AGAP1: variants seen among roughly 807,000 people sequenced by gnomAD.
The protein encoded by AGAP1 is arf-GAP with GTPase, ANK repeat and PH domain-containing protein 1.
AGAP1 carries 29 observed loss-of-function variants against 105.3 expected under a neutral mutation model. The ratio of observed to expected loss-of-function variants is 0.28; its 90% confidence interval spans 0.21 to 0.38. The LOEUF (loss-of-function observed/expected upper bound fraction) is 0.38, where lower values mean the gene tolerates loss of function less well. Among genes scored for constraint, AGAP1 ranks in the 10% least tolerant of loss-of-function variants. The pLI is 1.00. For missense variants in AGAP1, 998 were observed against 1,165.1 expected (o/e 0.86, Z 2.09); for synonymous variants, 509 against 485.9 (o/e 1.05, Z -0.63).
At chr2:236,099,972 A>G (rs909666920) in intron 16 of AGAP1, among the ~76,000 whole-genome samples, 4 of 151,964 alleles carry the variant, frequency 2.6e-5, no homozygotes, top group Non-Finnish European at 4.4e-5. Context: ...CCCGGGAGGC[A>G]GAGGTTCCAG....
At position 235,609,599 on chromosome 2, in the gene AGAP1, C is replaced by T. The variant is rs529896994; in HGVS notation, c.164-99580C>T. 2.0e-5 allele frequency among the ~76,000 whole-genome samples: 3 copies of T among 152,202 alleles called. No individual in the cohort carries two copies. The highest frequency in any genetic ancestry group is 2.1e-4 in the South Asian group (1 of 4,822). ...CACTTTGACCCCGGACCTGCATGCG[C>T]GCTGAGGATGGCAGAGGGGCTCCTG... On this transcript the variant is annotated intron_variant, in intron 1 of 17. Coordinates refer to ENST00000304032, the MANE Select transcript of AGAP1 (RefSeq NM_001037131.3). This position sits in a 1 kb window ranked among gnomAD's most constrained non-coding sequence, Gnocchi z 5.1.
rs1249053184 is a variant in AGAP1 at position 235,777,282 on chromosome 2, G to A, written c.674-20477G>A. ...GGAGAATCACTTGAGCCTGGGAGGC[G>A]GAGGTTGCAGTGAGCCGAGATTGCG... On this transcript the variant is annotated intron_variant, in intron 6 of 17. Coordinates refer to ENST00000304032, the MANE Select transcript of AGAP1 (RefSeq NM_001037131.3). This position sits in a 1 kb window ranked among gnomAD's most constrained non-coding sequence, Gnocchi z 5.1. Among the ~76,000 whole-genome samples the A allele has an allele frequency of 1.3e-5, 2 of 152,184 alleles. No homozygotes were observed. Among genetic ancestry groups the A allele is most frequent in the Non-Finnish European group, 2.9e-5 (2 of 68,032 alleles).
chr2:236,092,363 A>T lies in AGAP1; in HGVS notation c.2115-27829A>T, dbSNP rs1036242549. On this transcript the variant is annotated intron_variant, in intron 16 of 17. Transcript: ENST00000304032. The surrounding 1 kb of genome is among the most constrained non-coding windows in gnomAD (Gnocchi z 4.7). ...GGAAACCAGGTAAGGGGTACATGAG[A>T]TCTCTCTGTATTATTTCTTTTTCTT... Among the ~76,000 whole-genome samples, 2 of 151,932 alleles carry T rather than the reference A, an allele frequency of 1.3e-5. No individual in the cohort carries two copies. The highest frequency in any genetic ancestry group is 1.3e-4 in the Admixed American group (2 of 15,226).
At position 236,082,628 on chromosome 2, in the gene AGAP1, CTT is replaced by C. The variant is rs1237707906; in HGVS notation, c.2114+33349_2114+33350del. 6.6e-6 allele frequency among the ~76,000 whole-genome samples: 1 copy of C among 152,230 alleles called. No homozygotes were observed. The highest frequency in any genetic ancestry group is 2.4e-5 in the African/African-American group (1 of 41,454). ...ACGGCTCACGCCTGTAATCCCAACA[CTT>C]TGGGAGGCCAAGACGGGTGGATCAC... On this transcript the variant is annotated intron_variant, in intron 16 of 17. Coordinates refer to ENST00000304032, the MANE Select transcript of AGAP1 (RefSeq NM_001037131.3). This position sits in a 1 kb window ranked among gnomAD's most constrained non-coding sequence, Gnocchi z 4.2.
chr2:235,831,418 G>A (rs890365633), intron 9 of AGAP1, among the ~76,000 whole-genome samples: 1 of 152,154 alleles, frequency 6.6e-6, no homozygotes, highest in Non-Finnish European at 1.5e-5. Context: ...CACCACTGCG[G>A]TGTATAGGAT....
rs1040025865 is a variant in AGAP1 at position 236,073,146 on chromosome 2, C to A, written c.2114+23865C>A. ...GAGTAGCTGGGATTACAGGCGCACG[C>A]CACCACGCCTGGCTAATTTTTGTAT... On this transcript the variant is annotated intron_variant, in intron 16 of 17. Transcript: ENST00000304032. The surrounding 1 kb of genome is among the most constrained non-coding windows in gnomAD (Gnocchi z 5.4). Among the ~76,000 whole-genome samples, 1 of 152,136 alleles carries A rather than the reference C, an allele frequency of 6.6e-6. No homozygotes were observed.
chr2:235,577,325 G>A lies in AGAP1; in HGVS notation c.163+82476G>A, dbSNP rs763061744. Among the ~76,000 whole-genome samples the A allele has an allele frequency of 6.6e-6, 1 of 152,112 alleles. No homozygotes were observed. On this transcript the variant is annotated intron_variant, in intron 1 of 17. Coordinates refer to ENST00000304032, the MANE Select transcript of AGAP1 (RefSeq NM_001037131.3). The surrounding 1 kb of genome is among the most constrained non-coding windows in gnomAD (Gnocchi z 4.5). ...TGGTGCTGTGTAATGTTCATTCATC[G>A]CACATTTCAATTCGGCCACATTTTA...
At chr2:236,070,266 G>A (rs1278851407) in intron 16 of AGAP1, among the ~76,000 whole-genome samples, 1 of 152,190 alleles carries the variant, frequency 6.6e-6, no homozygotes, top group Non-Finnish European at 1.5e-5. Flanking sequence ...GTGGTTAGGG[G>A]CAGCGTCCGG....
intron 1 of AGAP1, among the ~76,000 whole-genome samples, chr2:235,706,542 C>T (rs544758756): frequency 6.6e-6 from 1 of 152,280 alleles, no homozygotes; most frequent in South Asian, 2.1e-4. Context: ...TTTTGCACCC[C>T]TCACCCCCGA....
In AGAP1 at chr2:235,874,160, C is replaced by G. The variant is rs191815534; in HGVS notation, c.1051-9185C>G. Among the ~76,000 whole-genome samples, 30 of 152,166 alleles carry G rather than the reference C, an allele frequency of 2.0e-4. No individual in the cohort carries two copies. Among genetic ancestry groups the G allele is most frequent in the Admixed American group, 9.2e-4 (14 of 15,282 alleles). On this transcript the variant is annotated intron_variant, in intron 9 of 17. Coordinates refer to ENST00000304032, the MANE Select transcript of AGAP1 (RefSeq NM_001037131.3). The surrounding 1 kb of genome is among the most constrained non-coding windows in gnomAD (Gnocchi z 4.5). ...GCAACCTCTCCCTCCAACCAATTGC[C>G]CTACCTCAGCCTCCCAAGTAGCTAG...
rs1323978323 is a variant in AGAP1 at position 236,020,769 on chromosome 2, G to A, written c.1646-15792G>A. ...AGAAAAATGACCCAAAGACTCCATG[G>A]AGAATATCTGTGGACTATTCAGTAG... On this transcript the variant is annotated intron_variant, in intron 13 of 17. Coordinates refer to ENST00000304032, the MANE Select transcript of AGAP1 (RefSeq NM_001037131.3). The surrounding 1 kb of genome is among the most constrained non-coding windows in gnomAD (Gnocchi z 5.0). Among the ~76,000 whole-genome samples, 1 of 152,212 alleles carries A rather than the reference G, an allele frequency of 6.6e-6. No homozygotes were observed. The highest frequency in any genetic ancestry group is 1.5e-5 in the Non-Finnish European group (1 of 68,046).
At chr2:235,686,644 TAGATATATATATATATA>T (rs1449990301) in intron 1 of AGAP1, among the ~76,000 whole-genome samples, 15 of 51,812 alleles carry the variant, frequency 2.9e-4, no homozygotes, top group East Asian at 7.2e-4. Flanking sequence ...TATATATATA[TAGATATATATATATATA>T]TATATTTTTT....
rs11692497 is a variant in AGAP1, at chr2:235,882,280, C to T, written c.1051-1065C>T. 0.43 allele frequency: 244,256 copies of T among 571,436 alleles called. 55,776 individuals carry two copies. The highest frequency in any genetic ancestry group is 0.72 in the South Asian group (38,007 of 52,630). The allele number at this position is 571,436 out of a possible 1,614,324, so 35.4% of individuals were successfully genotyped here. A position where few individuals can be genotyped will look rare whatever the true frequency, so the allele number is the denominator to read the frequency against. Reference sequence around the variant, plus strand: ...CAGGTTCACAATGCAGCTTGTGGCTCGTGTCCATCTTGCAGGTCGCTCTTC... The same window carrying T: ...CAGGTTCACAATGCAGCTTGTGGCTTGTGTCCATCTTGCAGGTCGCTCTTC... On this transcript the variant is annotated intron_variant, in intron 9 of 17. Transcript: ENST00000304032. The surrounding 1 kb of genome is among the most constrained non-coding windows in gnomAD (Gnocchi z 4.6).
chr2:235,572,818 C>G (rs1375769263), intron 1 of AGAP1, among the ~76,000 whole-genome samples: 3 of 152,188 alleles, frequency 2.0e-5, no homozygotes, highest in African/African-American at 7.2e-5. Context: ...GTGTGCCCAG[C>G]TCTGAGTGAG....
intron 6 of AGAP1, among the ~76,000 whole-genome samples, chr2:235,773,627 C>T (rs2149870330): frequency 6.6e-6 from 1 of 152,286 alleles, no homozygotes; most frequent in South Asian, 2.1e-4. Flanking sequence ...CCCCCATACT[C>T]TGTTCTACTA....
rs974845158 is a variant in AGAP1, at chr2:236,090,551, G to A, written c.2115-29641G>A. Among the ~76,000 whole-genome samples the A allele has an allele frequency of 1.3e-5, 2 of 152,150 alleles. No homozygotes were observed. Among genetic ancestry groups the A allele is most frequent in the African/African-American group, 2.4e-5 (1 of 41,436 alleles). ...GGGCTTTGCCAAGCGAGTGAGAGGCGGGGGTCGGAGGGAGGCCTTCCTCCT... is the reference window on the plus strand; with the variant it reads ...GGGCTTTGCCAAGCGAGTGAGAGGCAGGGGTCGGAGGGAGGCCTTCCTCCT... On this transcript the variant is annotated intron_variant, in intron 16 of 17. Transcript: ENST00000304032. The surrounding 1 kb of genome is among the most constrained non-coding windows in gnomAD (Gnocchi z 4.3).
intron 10 of AGAP1, among the ~76,000 whole-genome samples, chr2:235,907,022 A>G (rs980653780): frequency 6.7e-6 from 1 of 149,446 alleles, no homozygotes; most frequent in Non-Finnish European, 1.5e-5. Flanking sequence ...GTCTCAAAAA[A>G]CAAAACAAAA....
intron 9 of AGAP1, among the ~76,000 whole-genome samples, chr2:235,811,637 G>A (rs1016436170): frequency 6.6e-6 from 1 of 152,224 alleles, no homozygotes; most frequent in Non-Finnish European, 1.5e-5. Flanking sequence ...GGGTTAGTCA[G>A]GAATGAGAAA....
Position 235,882,300 on chromosome 2 carries a change from C to G in AGAP1, c.1051-1045C>G. 1 of 695,662 alleles carries G rather than the reference C, an allele frequency of 1.4e-6. No individual in the cohort carries two copies. 43.1% of individuals were successfully genotyped at this position (695,662 alleles called of 1,614,324 possible). On this transcript the variant is annotated intron_variant, in intron 9 of 17. Coordinates refer to ENST00000304032, the MANE Select transcript of AGAP1 (RefSeq NM_001037131.3). The surrounding 1 kb of genome is among the most constrained non-coding windows in gnomAD (Gnocchi z 4.6). Reference sequence around the variant, plus strand: ...TGGCTCGTGTCCATCTTGCAGGTCGCTCTTCCTCCACATCACAACTGGGGT... The same window carrying G: ...TGGCTCGTGTCCATCTTGCAGGTCGGTCTTCCTCCACATCACAACTGGGGT...
Sources: gnomAD v4.1 joint callset for allele counts (sites outside exome capture counted in the v4.1 genomes callset) on GRCh38, gnomAD v4.1.1 for gene constraint, Gnocchi (gnomAD v3.1) non-coding constraint, MANE v1.5 for transcripts, NCBI Gene and HGNC (gene_info 2026-07-23, HGNC 2026-07-21) for gene names.